The following MYRIP variants were observed in gnomAD, a reference collection of about 807,000 sequenced individuals.
MYRIP encodes the protein myosin VIIA and Rab interacting protein.
In MYRIP, 49 loss-of-function variants were observed where a neutral mutation model predicts 98.0. That is an observed-to-expected ratio of 0.50 (90% CI 0.40 to 0.63). The LOEUF (loss-of-function observed/expected upper bound fraction) is 0.63. MYRIP is among the 30% of genes least tolerant of loss of function. The pLI, the probability that MYRIP is intolerant of heterozygous loss-of-function variation, is 0.00. For missense variants in MYRIP, 1,004 were observed against 1,058.2 expected (o/e 0.95, Z 0.71); for synonymous variants, 404 against 409.5 (o/e 0.99, Z 0.16).
At chr3:40,048,586 T>C (rs1236024424) in intron 3 of MYRIP, among the ~76,000 whole-genome samples, 1 of 152,162 alleles carries the variant, frequency 6.6e-6, no homozygotes, top group East Asian at 1.9e-4. Flanking sequence ...GTCAAGTCTC[T>C]AAGAAAAACG....
chr3:39,853,969 G>A (rs1172657532), intron 1 of MYRIP, among the ~76,000 whole-genome samples: 1 of 152,080 alleles, frequency 6.6e-6, no homozygotes, highest in Non-Finnish European at 1.5e-5. Context: ...TCTTCTCCAT[G>A]TGGCTTGCCA....
chr3:40,158,672 G>A (rs1950303264), intron 4 of MYRIP, among the ~76,000 whole-genome samples: 1 of 152,114 alleles, frequency 6.6e-6, no homozygotes, highest in Non-Finnish European at 1.5e-5. Context: ...TTATGAATCT[G>A]GGTGCTCCTG....
Position 40,108,380 on chromosome 3 carries a change from GAA to G in MYRIP, c.333-42667_333-42666del, listed in dbSNP as rs199681085. On this transcript the variant is annotated intron_variant, in intron 3 of 16. Transcript: ENST00000302541. ...ATGGGGTCTGTAGGGGTCTTGCAGA[GAA>G]GAGATGCCAGCTGACACCACAGGCA... 7.5e-3 allele frequency among the ~76,000 whole-genome samples: 1,147 copies of G among 152,284 alleles called. 13 individuals are homozygous for G. Among genetic ancestry groups the G allele is most frequent in the African/African-American group, 0.026 (1,061 of 41,540 alleles).
rs925024903 is a variant in MYRIP, at chr3:40,205,193, A to C, written c.1666-4661A>C. Among the ~76,000 whole-genome samples, 7 of 152,094 alleles carry C rather than the reference A, an allele frequency of 4.6e-5. No homozygotes were observed. The East Asian group carries it at 1.4e-3, about 29-fold the overall frequency. On this transcript the variant is annotated intron_variant, in intron 10 of 16. Coordinates refer to ENST00000302541, the MANE Select transcript of MYRIP (RefSeq NM_015460.4). ...GGTCAGAGGTCACAGGCATCCTGCA[A>C]GGCTGCTTCTCTCTGGATTTCAATA...
intron 2 of MYRIP, among the ~76,000 whole-genome samples, chr3:40,036,930 A>C (rs62261779): frequency 0.037 from 5,658 of 152,242 alleles, 131 homozygotes; most frequent in Non-Finnish European, 0.053. Context: ...ACATTAGTCC[A>C]AATATGCATG....
chr3:40,055,139 G>C (rs1422364138), intron 3 of MYRIP, among the ~76,000 whole-genome samples: 1 of 152,162 alleles, frequency 6.6e-6, no homozygotes, highest in Non-Finnish European at 1.5e-5. Flanking sequence ...TTTGTACCCA[G>C]TCTTGAGGCC....
At chr3:39,910,034 G>A (rs1403973171) in intron 2 of MYRIP, among the ~76,000 whole-genome samples, 6 of 152,030 alleles carry the variant, frequency 3.9e-5, no homozygotes, top group African/African-American at 1.2e-4. Flanking sequence ...GGGATTACAG[G>A]TGTGTGCCAC....
In MYRIP at chr3:40,170,245, G is replaced by A. The variant is rs370353769; in HGVS notation, c.873+152G>A. On this transcript the variant is annotated intron_variant, in intron 8 of 16. Transcript: ENST00000302541. ...TTGAAAGAGAAAGTGAGTGTGAGTCGGGGGCCAGGAAGGGTAAGAGAGGAG... is the reference window on the plus strand; with the variant it reads ...TTGAAAGAGAAAGTGAGTGTGAGTCAGGGGCCAGGAAGGGTAAGAGAGGAG... 219 of 983,744 alleles carry A rather than the reference G, an allele frequency of 2.2e-4. 1 individual carries two copies. The highest frequency in any genetic ancestry group is 2.0e-3 in the African/African-American group (121 of 61,122). 60.9% of individuals were successfully genotyped at this position (983,744 alleles called of 1,614,324 possible).
intron 1 of MYRIP, among the ~76,000 whole-genome samples, chr3:39,847,805 C>T (rs1942012684): frequency 6.6e-6 from 1 of 152,122 alleles, no homozygotes; most frequent in East Asian, 1.9e-4. Context: ...CGTTTGCTGC[C>T]TTAGTAGTTT....
chr3:40,015,200 A>G (rs2125800223), intron 2 of MYRIP, among the ~76,000 whole-genome samples: 1 of 152,336 alleles, frequency 6.6e-6, no homozygotes, highest in South Asian at 2.1e-4. Context: ...GAGGAATCTC[A>G]GAGTTCTAAT....
At chr3:39,849,708 C>T (rs1421392749) in intron 1 of MYRIP, among the ~76,000 whole-genome samples, 4 of 152,170 alleles carry the variant, frequency 2.6e-5, no homozygotes, top group African/African-American at 9.7e-5. Context: ...TTTTCTACAA[C>T]TCAGTGTCAT....
At chr3:40,069,812 C>A (rs1948189273) in intron 3 of MYRIP, among the ~76,000 whole-genome samples, 1 of 152,182 alleles carries the variant, frequency 6.6e-6, no homozygotes, top group Non-Finnish European at 1.5e-5. Flanking sequence ...CTCCCATATG[C>A]AGTTCACAAC....
intron 2 of MYRIP, among the ~76,000 whole-genome samples, chr3:39,932,130 C>G (rs1003459512): frequency 6.6e-6 from 1 of 152,172 alleles, no homozygotes; most frequent in Non-Finnish European, 1.5e-5. Flanking sequence ...TAGCCCTCCA[C>G]TGAAAGCCAG....
intron 10 of MYRIP, among the ~76,000 whole-genome samples, chr3:40,205,167 G>C (rs1951757614): frequency 1.3e-5 from 2 of 152,132 alleles, no homozygotes; most frequent in Non-Finnish European, 2.9e-5. Flanking sequence ...ATGAGGTGGG[G>C]GGTCAGAGGT....
At chr3:40,033,752 C>T (rs561060146) in intron 2 of MYRIP, among the ~76,000 whole-genome samples, 35 of 152,196 alleles carry the variant, frequency 2.3e-4, no homozygotes, top group South Asian at 1.2e-3. Flanking sequence ...AAAAAAGAGG[C>T]GGCATTGCCA....
At chr3:39,998,966 C>A (rs1249959095) in intron 2 of MYRIP, among the ~76,000 whole-genome samples, 3 of 152,180 alleles carry the variant, frequency 2.0e-5, no homozygotes, top group Non-Finnish European at 4.4e-5. Context: ...GGAAAACTGG[C>A]TAGCCACATG....
chr3:39,880,987 TTTCTC>T (rs1487183230), intron 1 of MYRIP, among the ~76,000 whole-genome samples: 1 of 152,146 alleles, frequency 6.6e-6, no homozygotes, highest in African/African-American at 2.4e-5. Flanking sequence ...TTTTTACTAT[TTTCTC>T]TTTGTTTGTT....
intron 2 of MYRIP, among the ~76,000 whole-genome samples, chr3:39,996,463 A>C (rs529806928): frequency 6.6e-6 from 1 of 152,380 alleles, no homozygotes; most frequent in Non-Finnish European, 1.5e-5. Flanking sequence ...TAAAGAGATC[A>C]ATTCAACAAA....
intron 8 of MYRIP, among the ~76,000 whole-genome samples, chr3:40,177,862 TCTC>T (rs1286536761): frequency 6.6e-6 from 1 of 152,130 alleles, no homozygotes; most frequent in East Asian, 1.9e-4. Flanking sequence ...CTTTCTCTGT[TCTC>T]CTGTCTTTTG....
Sources: allele counts gnomAD v4.1 joint callset (sites outside exome capture counted in the v4.1 genomes callset), GRCh38; gene constraint gnomAD v4.1.1; transcripts MANE v1.5; gene names NCBI Gene and HGNC (gene_info 2026-07-23, HGNC 2026-07-21).